The following SLC29A1 variants were observed in gnomAD, a reference collection of about 807,000 sequenced individuals.
SLC29A1 encodes the protein solute carrier family 29 member 1 (Augustine blood group).
In SLC29A1, 22 loss-of-function variants were observed where a neutral mutation model predicts 48.3. The ratio of observed to expected loss-of-function variants is 0.46; its 90% CI spans 0.33 to 0.65. The LOEUF (loss-of-function observed/expected upper bound fraction) is 0.65, where lower values mean the gene tolerates loss of function less well. Among genes scored for constraint, SLC29A1 ranks in the 30% least tolerant of loss-of-function variants. The probability of loss-of-function intolerance (pLI) is 0.03; values close to 1 mark genes in which losing one functional copy is unlikely to be tolerated. For synonymous variants in SLC29A1, 228 were observed against 231.0 expected, an observed-to-expected ratio of 0.99 and a Z score of 0.12; for missense variants, 491 against 575.3, an observed-to-expected ratio of 0.85 and a Z score of 1.50.
In SLC29A1 at chr6:44,223,648, C is replaced by A; in HGVS notation, c.-52+7C>A. ...AGCAGTGCTTCTGCGGCAGGTGCTG[C>A]CCGGGGCCGGGGACTGGGGACTGGG... is the stretch of plus-strand genomic sequence containing the variant. On this transcript the variant is annotated splice_region_variant and intron_variant, in intron 1 of 12. Transcript: ENST00000371755. The surrounding 1 kb of genome is among the most constrained non-coding windows in gnomAD (Gnocchi z 5.0). 8.3e-7 allele frequency: 1 copy of A among 1,203,676 alleles called. No homozygotes were observed. The highest frequency in any genetic ancestry group is 1.1e-6 in the Non-Finnish European group (1 of 945,448). 74.6% of individuals were successfully genotyped at this position (1,203,676 alleles called of 1,614,324 possible).
upstream of SLC29A1, among the ~76,000 whole-genome samples, chr6:44,220,833 GA>G (rs78020200): frequency 0.038 from 5,537 of 146,846 alleles, 300 homozygotes; most frequent in African/African-American, 0.12. Flanking sequence ...TTAAAGAAAA[GA>G]AAAAAAAAAA....
chr6:44,221,192 A>T (rs1397617642), upstream of SLC29A1, among the ~76,000 whole-genome samples: 3 of 152,234 alleles, frequency 2.0e-5, no homozygotes, highest in African/African-American at 7.2e-5. The surrounding 1 kb of genome is among the most constrained non-coding windows in gnomAD (Gnocchi z 4.2). Context: ...CCTAAAATTT[A>T]TCTTGATTCA....
chr6:44,226,066 C>T (rs542664302), intron 1 of SLC29A1: 11 of 982,242 alleles, frequency 1.1e-5, no homozygotes, highest in East Asian at 1.1e-4. Flanking sequence ...CCCAGGAGCC[C>T]GTGGACAAGG....
At chr6:44,231,971 T>C (rs1212060398) in intron 9 of SLC29A1, 27 bp from the exon 10 acceptor site, 4 of 1,520,040 alleles carry the variant, frequency 2.6e-6, no homozygotes, top group African/African-American at 1.4e-5. Flanking sequence ...ACACAGGCAT[T>C]TGGGTGACTC....
At position 44,231,391 on chromosome 6, in the gene SLC29A1, A is replaced by G; in HGVS notation, c.794A>G (p.Glu265Gly). 1 of 1,603,828 alleles carries G rather than the reference A, an allele frequency of 6.2e-7. No homozygotes were observed. The highest frequency in any genetic ancestry group is 8.5e-7 in the Non-Finnish European group (1 of 1,173,480). ...KGEEPRAGKEESGVSVSNSQP... is the reference protein window; with the variant it reads ...KGEEPRAGKEGSGVSVSNSQP... ...GAGGAGCCAAGAGCAGGCAAAGAGG[A>G]ATCTGGAGTTTCAGTCTCCAACTCT... The change falls in exon 9 of 13, where the codon GAA (glutamate) becomes GGA (glycine). Residue 265 changes from glutamate (E) to glycine (G), a missense_variant. Physicochemically the swap from Glu to Gly is moderately conservative, Grantham distance 98. Transcript: ENST00000371755.
upstream of SLC29A1, chr6:44,223,479 GC>G: frequency 1.1e-6 from 1 of 945,968 alleles, no homozygotes; most frequent in East Asian, 1.1e-4. This position sits in a 1 kb window ranked among gnomAD's most constrained non-coding sequence, Gnocchi z 5.0. Context: ...CCGCGGGGTG[GC>G]AGGGGTGGGC....
Position 44,232,808 on chromosome 6 carries a change from C to G in SLC29A1, c.1061C>G (p.Pro354Arg). Residue 354 changes from proline (P) to arginine (R), a missense_variant and splice_region_variant, in exon 12 of 13, where the codon CCT (proline) becomes CGT (arginine). Coordinates refer to ENST00000371755, the MANE Select transcript of SLC29A1 (RefSeq NM_001372327.1). The surrounding 1 kb of genome is among the most constrained non-coding windows in gnomAD (Gnocchi z 4.7). The part of the protein sequence containing the change: ...GRSLTAVFMW[P>R]GKDSRWLPSL... ...TGAGGCCCTGCCTGGTGCCCACAGC[C>G]TGGGAAGGACAGCCGCTGGCTGCCA... 1 of 1,610,182 alleles carries G rather than the reference C, an allele frequency of 6.2e-7. No individual in the cohort carries two copies. Among genetic ancestry groups the G allele is most frequent in the Non-Finnish European group, 8.5e-7 (1 of 1,179,848 alleles).
Position 44,231,475 on chromosome 6 carries a change from G to A in SLC29A1, c.864+14G>A, listed in dbSNP as rs201097588. On this transcript the variant is annotated intron_variant, in intron 9 of 12. Coordinates refer to ENST00000371755, the MANE Select transcript of SLC29A1 (RefSeq NM_001372327.1). ...ATCCTGAAAAATGTACGTAGGGGAG[G>A]TTATCCTATCTTCTACCCCTTGTCC... The A allele has an allele frequency of 4.4e-4, 679 of 1,529,446 alleles. 1 individual carries two copies. The highest frequency in any genetic ancestry group is 8.4e-4 in the Middle Eastern group (5 of 5,926). The allele number at this position is 1,529,446 out of a possible 1,614,324, so 94.7% of individuals were successfully genotyped here. A position where few individuals can be genotyped will look rare whatever the true frequency, so the allele number is the denominator to read the frequency against.
At chr6:44,221,135 C>T (rs1344845015), upstream of SLC29A1, among the ~76,000 whole-genome samples, 2 of 152,172 alleles carry the variant, frequency 1.3e-5, no homozygotes, top group Non-Finnish European at 2.9e-5. The surrounding 1 kb of genome is among the most constrained non-coding windows in gnomAD (Gnocchi z 4.2). Context: ...CCTCCCACCT[C>T]GGCCTCCAAA....
rs904036081 is a variant in SLC29A1 at position 44,229,251 on chromosome 6, A to G, written c.30-139A>G. On this transcript the variant is annotated intron_variant, in intron 2 of 12. Transcript: ENST00000371755. This position sits in a 1 kb window ranked among gnomAD's most constrained non-coding sequence, Gnocchi z 5.1. The stretch of plus-strand genomic sequence containing the variant: ...TCCCCCCACACCCATAAGAGGACAC[A>G]TGCAAACGGACACAAACACAGACGC... The G allele has an allele frequency of 1.0e-4, 75 of 735,570 alleles. No homozygotes were observed. The Admixed American group carries it at 1.4e-3, about 14-fold the overall frequency. The allele number at this position is 735,570 out of a possible 1,614,324, so 45.6% of individuals were successfully genotyped here. A position where few individuals can be genotyped will look rare whatever the true frequency, so the allele number is the denominator to read the frequency against.
At chr6:44,230,525 G>GA in intron 6 of SLC29A1, 43 bp from the exon 7 acceptor site, 2 of 1,614,050 alleles carry the variant, frequency 1.2e-6, no homozygotes, top group Non-Finnish European at 1.7e-6. Context: ...GTGTGGTGGG[G>GA]AGAGGGGATG....
chr6:44,230,642 T>C lies in SLC29A1; in HGVS notation c.664T>C (p.Cys222Arg). The part of the protein sequence containing the change: ...ACAVIILTII[C>R]YLGLPRLEFY... Reference sequence around the variant, plus strand: ...TGCTGTTATCATTTTGACCATCATCTGTTACCTGGGCCTGCCCCGCCTGGT... The same window carrying C: ...TGCTGTTATCATTTTGACCATCATCCGTTACCTGGGCCTGCCCCGCCTGGT... Residue 222 changes from cysteine (C) to arginine (R), a missense_variant, in exon 7 of 13, where the codon TGT (cysteine) becomes CGT (arginine). By Grantham distance (180) the Cys-to-Arg change is radical (BLOSUM62 -3). Coordinates refer to ENST00000371755, the MANE Select transcript of SLC29A1 (RefSeq NM_001372327.1). 6.2e-7 allele frequency: 1 copy of C among 1,612,668 alleles called. No homozygotes were observed. Among genetic ancestry groups the C allele is most frequent in the Non-Finnish European group, 8.5e-7 (1 of 1,179,658 alleles).
chr6:44,221,605 G>C (rs1021969447), upstream of SLC29A1: 11 of 1,289,242 alleles, frequency 8.5e-6, no homozygotes, highest in Non-Finnish European at 1.1e-5. This position sits in a 1 kb window ranked among gnomAD's most constrained non-coding sequence, Gnocchi z 4.2. Context: ...GGAGCTCAGG[G>C]AGGGAGAGAA....
rs767688465 is a variant in SLC29A1 at position 44,233,434 on chromosome 6, A to AG, written c.1279dup (p.Ala427GlyfsTer67). On this transcript the variant is annotated frameshift_variant, in exon 13 of 13. Transcript: ENST00000371755. LOFTEE classifies it high-confidence loss of function. ...CCGCTTAGGAAAGTGAAGCCAGCTG[A>AG]GGCAGAGACCGCAGGAGCCATCATG... 6.2e-7 allele frequency: 1 copy of AG among 1,613,940 alleles called. No homozygotes were observed. Among genetic ancestry groups the AG allele is most frequent in the South Asian group, 1.1e-5 (1 of 91,084 alleles).
In SLC29A1 at chr6:44,233,486, A is replaced by T; in HGVS notation, c.1329A>T (p.Ala443=). 1 of 1,614,060 alleles carries T rather than the reference A, an allele frequency of 6.2e-7. No homozygotes were observed. The highest frequency in any genetic ancestry group is 8.5e-7 in the Non-Finnish European group (1 of 1,179,978). ...CCTTCTTCCTGTGTCTGGGTCTGGC[A>T]CTGGGGGCTGTTTTCTCCTTCCTGT... ...IMAFFLCLGL[A]LGAVFSFLFR... is the part of the protein sequence containing the mutation. Residue 443 remains alanine, a synonymous_variant, in exon 13 of 13, where the codon GCA becomes GCT. Coordinates refer to ENST00000371755, the MANE Select transcript of SLC29A1 (RefSeq NM_001372327.1).
chr6:44,220,460 A>C (rs1451451033), upstream of SLC29A1, among the ~76,000 whole-genome samples: 1 of 151,194 alleles, frequency 6.6e-6, no homozygotes, highest in Non-Finnish European at 1.5e-5. Flanking sequence ...CTGGGATGAC[A>C]GATGTGAGCC....
At position 44,230,571 on chromosome 6, in the gene SLC29A1, G is replaced by A; in HGVS notation, c.593G>A (p.Gly198Asp). The A allele has an allele frequency of 6.2e-7, 1 of 1,614,124 alleles. No homozygotes were observed. The highest frequency in any genetic ancestry group is 8.5e-7 in the Non-Finnish European group (1 of 1,179,986). The change falls in exon 7 of 13, where the codon GGC (glycine) becomes GAC (aspartate). Residue 198 changes from glycine to aspartate, a missense_variant. By Grantham distance (94) the Gly-to-Asp change is moderately conservative. Coordinates refer to ENST00000371755, the MANE Select transcript of SLC29A1 (RefSeq NM_001372327.1). The stretch of plus-strand genomic sequence containing the variant: ...CTGATCACTGACACCACCCCAGGTG[G>A]CTCGGAGCTATCAGAAAGTGCCTTC... ...SVAMICAIASGSELSESAFGY... is the reference protein window; with the variant it reads ...SVAMICAIASDSELSESAFGY...
At chr6:44,220,562 C>A (rs1007792883), upstream of SLC29A1, among the ~76,000 whole-genome samples, 1 of 151,612 alleles carries the variant, frequency 6.6e-6, no homozygotes, top group Admixed American at 6.6e-5. Flanking sequence ...CGCCTGTCAT[C>A]CCAGTGCTTT....
Position 44,233,596 on chromosome 6 carries a change from G to C in SLC29A1, c.*68G>C. On this transcript the variant is annotated 3_prime_UTR_variant, in exon 13 of 13. Coordinates refer to ENST00000371755, the MANE Select transcript of SLC29A1 (RefSeq NM_001372327.1). ...CCTCCTGCCCCTTCCTTCTGCCAGG[G>C]GTGATCCTGAGTGGTCTGGCGGTTT... 7.6e-7 allele frequency: 1 copy of C among 1,312,858 alleles called. No individual in the cohort carries two copies. The allele number at this position is 1,312,858 out of a possible 1,614,324, so 81.3% of individuals were successfully genotyped here. A position where few individuals can be genotyped will look rare whatever the true frequency, so the allele number is the denominator to read the frequency against.
Sources: gnomAD v4.1 joint callset for allele counts (sites outside exome capture counted in the v4.1 genomes callset) on GRCh38, gnomAD v4.1.1 for gene constraint, Gnocchi (gnomAD v3.1) non-coding constraint, MANE v1.5 for transcripts, NCBI Gene and HGNC (gene_info 2026-07-23, HGNC 2026-07-21) for gene names.